Variants in SLC44A5 observed in about 807,000 individuals in gnomAD.
SLC44A5 encodes the protein choline transporter-like protein 5.
A neutral mutation model predicts 101.8 loss-of-function variants in SLC44A5; 57 were observed. The ratio of observed to expected loss-of-function variants is 0.56; its 90% CI spans 0.45 to 0.70. The LOEUF (loss-of-function observed/expected upper bound fraction) is 0.70, where lower values mean the gene tolerates loss of function less well. Among genes scored for constraint, SLC44A5 ranks in the 30% least tolerant of loss-of-function variants. SLC44A5 has a pLI of 0.00. For missense variants in SLC44A5, 737 were observed against 853.1 expected, an observed-to-expected ratio of 0.86 and a Z score of 1.70; for synonymous variants, 281 against 290.9, an observed-to-expected ratio of 0.97 and a Z score of 0.35.
intron 2 of SLC44A5, among the ~76,000 whole-genome samples, chr1:75,428,959 A>T (rs961679947): frequency 6.6e-6 from 1 of 152,202 alleles, no homozygotes; most frequent in East Asian, 1.9e-4. Flanking sequence ...AGCATACACC[A>T]TATAGGTGGT....
intron 2 of SLC44A5, among the ~76,000 whole-genome samples, chr1:75,446,822 T>C (rs1378415355): frequency 6.6e-6 from 1 of 152,172 alleles, no homozygotes; most frequent in Non-Finnish European, 1.5e-5. Context: ...TCCTGTACCC[T>C]CTAAAATCTG....
intron 3 of SLC44A5, among the ~76,000 whole-genome samples, chr1:75,376,381 G>C (rs999977261): frequency 6.6e-6 from 1 of 152,276 alleles, no homozygotes; most frequent in South Asian, 2.1e-4. Context: ...ACCCCTGGGG[G>C]CAGGGCACAG....
At chr1:75,305,829 T>C (rs1654857733) in intron 4 of SLC44A5, among the ~76,000 whole-genome samples, 1 of 152,236 alleles carries the variant, frequency 6.6e-6, no homozygotes, top group Admixed American at 6.5e-5. Context: ...AGCTGAAATG[T>C]CACCTCCTTC....
chr1:75,672,111 T>C, the SLC44A5 span, among the ~76,000 whole-genome samples: 1 of 152,204 alleles, frequency 6.6e-6, no homozygotes, highest in East Asian at 1.9e-4. Context: ...GCCTGCTTTT[T>C]GTTTCTTTGT....
At chr1:75,574,587 C>T (rs1377460404) in intron 1 of SLC44A5, among the ~76,000 whole-genome samples, 1 of 152,206 alleles carries the variant, frequency 6.6e-6, no homozygotes, top group Admixed American at 6.5e-5. Flanking sequence ...GCAAGCAGCT[C>T]TCAGCGACCC....
At chr1:75,675,942 G>A in the SLC44A5 span, among the ~76,000 whole-genome samples, 1 of 152,026 alleles carries the variant, frequency 6.6e-6, no homozygotes, top group African/African-American at 2.4e-5. Context: ...ACAAACATAT[G>A]AAAAAAAGCT....
intron 3 of SLC44A5, among the ~76,000 whole-genome samples, chr1:75,385,182 G>A (rs1263438544): frequency 6.7e-6 from 1 of 148,558 alleles, no homozygotes; most frequent in East Asian, 2.0e-4. Context: ...TCAAAAGCTA[G>A]CAGAAGGCAA....
intron 23 of SLC44A5, chr1:75,206,548 C>T: frequency 8.7e-7 from 1 of 1,149,782 alleles, no homozygotes. Context: ...TTCCAAATTA[C>T]AATCAACCTA....
At chr1:75,645,223 A>G in the SLC44A5 span, among the ~76,000 whole-genome samples, 2 of 152,152 alleles carry the variant, frequency 1.3e-5, no homozygotes, top group Non-Finnish European at 2.9e-5. Context: ...CAATGGTTGA[A>G]CTAGTTTACA....
intron 2 of SLC44A5, among the ~76,000 whole-genome samples, chr1:75,408,155 A>G (rs1663027173): frequency 1.3e-5 from 2 of 152,256 alleles, no homozygotes; most frequent in Non-Finnish European, 2.9e-5. Context: ...AATTAAAACC[A>G]CAATGAGATA....
intron 2 of SLC44A5, among the ~76,000 whole-genome samples, chr1:75,399,081 G>A (rs899825878): frequency 5.9e-5 from 9 of 151,926 alleles, no homozygotes; most frequent in Non-Finnish European, 8.8e-5. Context: ...AGGGGGATGA[G>A]AACTGGTAGG....
rs368614411 is a variant in SLC44A5 at position 75,487,768 on chromosome 1, C to T, written c.13+53667G>A. Among the ~76,000 whole-genome samples the T allele has an allele frequency of 1.8e-4, 28 of 152,230 alleles. No homozygotes were observed. The East Asian group carries it at 4.6e-3, about 25-fold the overall frequency. On this transcript the variant is annotated intron_variant, in intron 2 of 23. Transcript: ENST00000370859. The stretch of plus-strand genomic sequence containing the variant: ...AAACCTATATGAGATCGCCTACTAC[C>T]CACCTAGGCTACACTATATAGCCCA...
At chr1:75,681,977 C>A in the SLC44A5 span, among the ~76,000 whole-genome samples, 4 of 151,770 alleles carry the variant, frequency 2.6e-5, no homozygotes, top group African/African-American at 9.7e-5. Context: ...GACAAACAGC[C>A]AAATCATGAG....
intron 3 of SLC44A5, among the ~76,000 whole-genome samples, chr1:75,342,130 C>T (rs17096773): frequency 0.015 from 2,331 of 152,220 alleles, 57 homozygotes; most frequent in Middle Eastern, 0.054. Flanking sequence ...TTGGGAGACA[C>T]TACCATTAGA....
intron 7 of SLC44A5, among the ~76,000 whole-genome samples, 161 bp from the exon 8 acceptor site, chr1:75,243,172 T>C (rs774490969): frequency 2.0e-5 from 3 of 152,122 alleles, no homozygotes; most frequent in Admixed American, 6.6e-5. Context: ...TTTTTCTTTC[T>C]TTTTTATTTT....
intron 1 of SLC44A5, among the ~76,000 whole-genome samples, chr1:75,557,264 A>T (rs1398784472): frequency 6.6e-6 from 1 of 152,174 alleles, no homozygotes; most frequent in Non-Finnish European, 1.5e-5. Context: ...CCAAGCAAAA[A>T]GAAAAAATTT....
chr1:75,219,712 C>A, intron 15 of SLC44A5, 88 bp downstream of exon 15: 1 of 821,180 alleles, frequency 1.2e-6, no homozygotes, highest in Non-Finnish European at 2.0e-6. Context: ...CTCATCTTCC[C>A]AGGGATAGAA....
intron 6 of SLC44A5, among the ~76,000 whole-genome samples, chr1:75,269,990 C>A (rs915345094): frequency 1.3e-5 from 2 of 152,106 alleles, no homozygotes; most frequent in Admixed American, 1.3e-4. Context: ...TAAGGGGAAA[C>A]CCCTTTCACT....
chr1:75,541,368 T>C, intron 2 of SLC44A5, 67 bp downstream of exon 2: 1 of 1,192,380 alleles, frequency 8.4e-7, no homozygotes, highest in South Asian at 1.3e-5. Context: ...TATTTAATAT[T>C]AAATAAAAAA....
Sources: gnomAD v4.1 joint callset for allele counts (sites outside exome capture counted in the v4.1 genomes callset) on GRCh38, gnomAD v4.1.1 for gene constraint, MANE v1.5 for transcripts, NCBI Gene and HGNC (gene_info 2026-07-23, HGNC 2026-07-21) for gene names.